NR1I2: variants seen among roughly 807,000 people sequenced by gnomAD.
NR1I2 encodes the protein orphan nuclear receptor PAR1.
A neutral mutation model predicts 43.3 loss-of-function variants in NR1I2; 42 were observed. The observed-to-expected ratio is 0.97, with a 90% CI of 0.76 to 1.26. The LOEUF (loss-of-function observed/expected upper bound fraction) is 1.26. Among genes scored for constraint, NR1I2 ranks in the 50% most tolerant of loss-of-function variants. NR1I2 has a pLI of 0.00. For missense variants in NR1I2, 559 were observed against 566.7 expected (o/e 0.99, Z 0.14); for synonymous variants, 229 against 215.0 (o/e 1.06, Z -0.57).
Position 119,818,460 on chromosome 3 carries a change from G to A in NR1I2, c.*1248G>A, listed in dbSNP as rs1283172107. Reference sequence around the variant, plus strand: ...GGTTTAATGTCAAATCAAGGCAAAAGGAATTAAATAATGTACTTTTGGCTA... The same window carrying A: ...GGTTTAATGTCAAATCAAGGCAAAAAGAATTAAATAATGTACTTTTGGCTA... On this transcript the variant is annotated 3_prime_UTR_variant, in exon 9 of 9. Coordinates refer to ENST00000393716, the MANE Select transcript of NR1I2 (RefSeq NM_003889.4). The A allele has an allele frequency of 1.0e-5, 10 of 985,172 alleles. No homozygotes were observed. In the East Asian group the frequency reaches 1.0e-3, roughly 101 times the overall value. The allele number at this position is 985,172 out of a possible 1,614,324, so 61.0% of individuals were successfully genotyped here.
chr3:119,792,500 A>G, intron 1 of NR1I2: 1 of 1,082,188 alleles, frequency 9.2e-7, no homozygotes, highest in Non-Finnish European at 1.4e-6. Flanking sequence ...TCGCTCTTGG[A>G]ACATCACCAA....
At chr3:119,815,591 G>C (rs369746810) in intron 7 of NR1I2, 135 bp from the exon 8 acceptor site, 5 of 1,017,404 alleles carry the variant, frequency 4.9e-6, no homozygotes, top group Non-Finnish European at 7.6e-6. Flanking sequence ...GTGATGCCCA[G>C]CCCTGGTCTT....
At chr3:119,807,600 C>A (rs996829695) in intron 2 of NR1I2, among the ~76,000 whole-genome samples, 153 bp downstream of exon 2, 1 of 152,184 alleles carries the variant, frequency 6.6e-6, no homozygotes, top group African/African-American at 2.4e-5. Flanking sequence ...CCATTTATAT[C>A]CCAGAGGAAT....
chr3:119,818,199 T>A lies in NR1I2; in HGVS notation c.*987T>A. The A allele has an allele frequency of 1.0e-6, 1 of 985,812 alleles. No individual in the cohort carries two copies. The highest frequency in any genetic ancestry group is 1.2e-6 in the Non-Finnish European group (1 of 830,078). The allele number at this position is 985,812 out of a possible 1,614,324, so 61.1% of individuals were successfully genotyped here. On this transcript the variant is annotated 3_prime_UTR_variant, in exon 9 of 9. Coordinates refer to ENST00000393716, the MANE Select transcript of NR1I2 (RefSeq NM_003889.4). ...CCTGGGTTTGTTCCTGGGGCTGGAA[T>A]GCTGGGTATGCTCTGTGACAAGGCT...
rs1156991601 is a variant in NR1I2 at position 119,796,795 on chromosome 3, C to G, written c.-22-10434C>G. Among the ~76,000 whole-genome samples, 5 of 152,238 alleles carry G rather than the reference C, an allele frequency of 3.3e-5. 1 individual carries two copies. In the South Asian group the frequency reaches 1.0e-3, roughly 31 times the overall value. On this transcript the variant is annotated intron_variant, in intron 1 of 8. Transcript: ENST00000393716. ...CTCCTCACTTCTTGCCCTGCCAGAT[C>G]TGTCTATGGCAACAGCCCCTGCAGC... is the stretch of plus-strand genomic sequence containing the variant.
chr3:119,817,160 A>T lies in NR1I2; in HGVS notation c.1253A>T (p.His418Leu), dbSNP rs2055341936. The change falls in exon 9 of 9, where the codon CAC becomes CTC. Residue 418 changes from histidine (H) to leucine (L), a missense_variant. His to Leu is a moderately conservative substitution (Grantham distance 99). Coordinates refer to ENST00000393716, the MANE Select transcript of NR1I2 (RefSeq NM_003889.4). The stretch of plus-strand genomic sequence containing the variant: ...CGGCTGCTGCGCATCCAGGACATAC[A>T]CCCCTTTGCTACGCCCCTCATGCAG... 3.1e-6 allele frequency: 5 copies of T among 1,613,834 alleles called. No individual in the cohort carries two copies. Among genetic ancestry groups the T allele is most frequent in the Non-Finnish European group, 4.2e-6 (5 of 1,179,970 alleles).
intron 4 of NR1I2, among the ~76,000 whole-genome samples, chr3:119,812,050 T>TAGAG (rs1375295883): frequency 6.6e-6 from 1 of 152,040 alleles, no homozygotes; most frequent in Non-Finnish European, 1.5e-5. Context: ...AAATCACTGC[T>TAGAG]CTCTCCTTTA....
chr3:119,817,199 T>C lies in NR1I2; in HGVS notation c.1292T>C (p.Ile431Thr), dbSNP rs2055342682. 6.2e-7 allele frequency: 1 copy of C among 1,613,962 alleles called. No homozygotes were observed. Among genetic ancestry groups the C allele is most frequent in the African/African-American group, 1.3e-5 (1 of 74,904 alleles). Residue 431 changes from isoleucine to threonine, a missense_variant, in exon 9 of 9, where the codon ATC becomes ACC. Ile to Thr is a moderately conservative substitution (Grantham distance 89, BLOSUM62 -1). This residue lies in a region of NR1I2 where 323 missense variants were observed against 312.2 expected (regional missense o/e 1.03). Transcript: ENST00000393716. ...CCCCTCATGCAGGAGTTGTTCGGCA[T>C]CACAGGTAGCTGAGCGGCTGCCCTT...
rs557424168 is a variant in NR1I2 at position 119,810,183 on chromosome 3, TGAA to T, written c.325_327del (p.Lys109del). The T allele has an allele frequency of 1.2e-5, 19 of 1,608,222 alleles. No homozygotes were observed. In the South Asian group the frequency reaches 1.2e-4, roughly 10 times the overall value. On this transcript the variant is annotated inframe_deletion, in exon 3 of 9. Coordinates refer to ENST00000393716, the MANE Select transcript of NR1I2 (RefSeq NM_003889.4). ...CTGCGCAAGTGCCTGGAGAGCGGCATGAAGAAGGAGAGTGAGCAGTGGGCGCGC... is the reference window on the plus strand; with the variant it reads ...CTGCGCAAGTGCCTGGAGAGCGGCATGAAGGAGAGTGAGCAGTGGGCGCGC...
chr3:119,799,783 C>G (rs1559786050), intron 1 of NR1I2, among the ~76,000 whole-genome samples: 1 of 152,048 alleles, frequency 6.6e-6, no homozygotes, highest in Non-Finnish European at 1.5e-5. Context: ...AATTTGAGAC[C>G]AGCCTGGCCA....
At chr3:119,805,355 A>C (rs548887280) in intron 1 of NR1I2, among the ~76,000 whole-genome samples, 270 of 152,190 alleles carry the variant, frequency 1.8e-3, no homozygotes, top group African/African-American at 6.1e-3. Context: ...ATATGTGATT[A>C]TTTGTGCCTA....
At position 119,817,552 on chromosome 3, in the gene NR1I2, A is replaced by G. The variant is rs941948219; in HGVS notation, c.*340A>G. The G allele has an allele frequency of 2.5e-6, 3 of 1,203,156 alleles. No individual in the cohort carries two copies. The highest frequency in any genetic ancestry group is 3.6e-5 in the Admixed American group (1 of 27,472). The allele number at this position is 1,203,156 out of a possible 1,614,324, so 74.5% of individuals were successfully genotyped here. A position where few individuals can be genotyped will look rare whatever the true frequency, so the allele number is the denominator to read the frequency against. On this transcript the variant is annotated 3_prime_UTR_variant, in exon 9 of 9. Transcript: ENST00000393716. ...TCCCTCAGATCCCACTAAAGTGTCA[A>G]GGTGTGGAAGGGACCAAGCGACCAA...
intron 1 of NR1I2, among the ~76,000 whole-genome samples, chr3:119,788,116 ATTATTATTACT>A (rs1027625828): frequency 2.0e-5 from 3 of 151,994 alleles, no homozygotes; most frequent in African/African-American, 7.3e-5. Flanking sequence ...AAAAATTATT[ATTATTATTACT>A]TTAAGAGACA....
chr3:119,810,312 G>T lies in NR1I2; in HGVS notation c.331+118G>T, dbSNP rs558953916. 1.5e-5 allele frequency: 21 copies of T among 1,427,464 alleles called. No individual in the cohort carries two copies. The South Asian group carries it at 2.9e-4, about 20-fold the overall frequency. The allele number at this position is 1,427,464 out of a possible 1,614,324, so 88.4% of individuals were successfully genotyped here. On this transcript the variant is annotated intron_variant, in intron 3 of 8. Coordinates refer to ENST00000393716, the MANE Select transcript of NR1I2 (RefSeq NM_003889.4). ...GCGCCGAGTGTGCGCGTGAACACAC[G>T]TGCACATGTGAGCTGGTGTCCGTGT...
chr3:119,801,909 C>T (rs1250018335), intron 1 of NR1I2, among the ~76,000 whole-genome samples: 1 of 152,188 alleles, frequency 6.6e-6, no homozygotes. Context: ...CACATGGCCT[C>T]TCCGCATGGT....
At chr3:119,792,937 G>A (rs987609277) in intron 1 of NR1I2, among the ~76,000 whole-genome samples, 2 of 152,080 alleles carry the variant, frequency 1.3e-5, no homozygotes, top group East Asian at 1.9e-4. Flanking sequence ...AGGCCTAGTG[G>A]GAGGTGTTTG....
intron 6 of NR1I2, 51 bp downstream of exon 6, chr3:119,815,172 T>C: frequency 1.2e-6 from 2 of 1,612,968 alleles, no homozygotes; most frequent in Non-Finnish European, 1.7e-6. Flanking sequence ...ACACTGCAGT[T>C]ATGGGAGGAA....
At chr3:119,801,364 G>A (rs1272127390) in intron 1 of NR1I2, among the ~76,000 whole-genome samples, 2 of 152,222 alleles carry the variant, frequency 1.3e-5, no homozygotes, top group Admixed American at 1.3e-4. Context: ...TGAGAAGCAG[G>A]TGGAGCCCTC....
chr3:119,798,649 A>AG (rs951409051), intron 1 of NR1I2, among the ~76,000 whole-genome samples: 1 of 151,436 alleles, frequency 6.6e-6, no homozygotes, highest in South Asian at 2.1e-4. Context: ...CAAAAAAAAA[A>AG]AAAAAGAAAA....
Sources: gnomAD v4.1 joint callset for allele counts (sites outside exome capture counted in the v4.1 genomes callset) on GRCh38, gnomAD v4.1.1 for gene constraint, gnomAD v4.1.1 regional missense constraint, MANE v1.5 for transcripts, NCBI Gene and HGNC (gene_info 2026-07-23, HGNC 2026-07-21) for gene names.